Variants in RALYL observed in about 807,000 individuals in gnomAD.
The protein encoded by RALYL is RNA-binding Raly-like protein.
RALYL carries 29 observed loss-of-function variants against 35.1 expected under a neutral mutation model. The ratio of observed to expected loss-of-function variants is 0.83; its 90% CI spans 0.61 to 1.13. The LOEUF is 1.13. RALYL is among the 50% of genes most tolerant of loss of function. The pLI, the probability that RALYL is intolerant of heterozygous loss-of-function variation, is 0.00. For missense variants in RALYL, 359 were observed against 360.4 expected, an observed-to-expected ratio of 1.00 and a Z score of 0.03; for synonymous variants, 120 against 127.6, an observed-to-expected ratio of 0.94 and a Z score of 0.40.
At chr8:84,338,689 C>G (rs914481471) in intron 1 of RALYL, among the ~76,000 whole-genome samples, 2 of 151,946 alleles carry the variant, frequency 1.3e-5, no homozygotes, top group Admixed American at 1.3e-4. Context: ...CTTTTTTATA[C>G]CTTGGTATTG....
chr8:84,233,268 C>T (rs35616576), intron 1 of RALYL, among the ~76,000 whole-genome samples: 11,921 of 152,118 alleles, frequency 0.078, 530 homozygotes, highest in Middle Eastern at 0.099. Context: ...TACAGAGTCG[C>T]ATTCATCCTA....
chr8:84,781,888 G>A (rs1818257039), intron 3 of RALYL, among the ~76,000 whole-genome samples: 1 of 152,150 alleles, frequency 6.6e-6, no homozygotes, highest in South Asian at 2.1e-4. Flanking sequence ...ACTTGAATAT[G>A]TGTGAGAAGA....
intron 1 of RALYL, among the ~76,000 whole-genome samples, chr8:84,269,911 GTTTATC>G (rs980921494): frequency 6.6e-6 from 1 of 152,040 alleles, no homozygotes; most frequent in African/African-American, 2.4e-5. Flanking sequence ...TAGTAGAAAT[GTTTATC>G]TTTAACATTT....
intron 2 of RALYL, among the ~76,000 whole-genome samples, chr8:84,630,065 G>T (rs1214918285): frequency 6.6e-6 from 1 of 151,984 alleles, no homozygotes; most frequent in Admixed American, 6.6e-5. Context: ...TAAGCAAAGG[G>T]AAGTTTAGGA....
At chr8:84,806,254 A>T (rs1295616058) in intron 4 of RALYL, among the ~76,000 whole-genome samples, 1 of 152,190 alleles carries the variant, frequency 6.6e-6, no homozygotes, top group Non-Finnish European at 1.5e-5. Context: ...CTGGCCCAAA[A>T]AAAGTGATAA....
chr8:84,307,003 A>G (rs1331478989), intron 1 of RALYL, among the ~76,000 whole-genome samples: 1 of 151,876 alleles, frequency 6.6e-6, no homozygotes, highest in African/African-American at 2.4e-5. Context: ...GGGAATGACA[A>G]GTTCTACCAC....
intron 2 of RALYL, among the ~76,000 whole-genome samples, chr8:84,547,534 C>A (rs2135376098): frequency 6.6e-6 from 1 of 152,046 alleles, no homozygotes; most frequent in Middle Eastern, 3.4e-3. Flanking sequence ...TACCTGCTAC[C>A]ACGCCCGTCT....
At chr8:84,761,658 A>T (rs1315496882) in intron 2 of RALYL, among the ~76,000 whole-genome samples, 1 of 152,144 alleles carries the variant, frequency 6.6e-6, no homozygotes, top group Non-Finnish European at 1.5e-5. Context: ...AGAAGCTCAG[A>T]TAATACACTC....
chr8:84,236,835 A>G (rs967547904), intron 1 of RALYL, among the ~76,000 whole-genome samples: 1 of 152,214 alleles, frequency 6.6e-6, no homozygotes, highest in Non-Finnish European at 1.5e-5. Flanking sequence ...CTTCAAACAC[A>G]GGTAGAATAT....
rs375549054 is a variant in RALYL, at chr8:84,674,580, C to T, written c.257-99999C>T. 1.8e-4 allele frequency among the ~76,000 whole-genome samples: 28 copies of T among 152,184 alleles called. No homozygotes were observed. The South Asian group carries it at 5.6e-3, about 30-fold the overall frequency. ...TATCTCTGGCTCTTCCTACTCCTTC[C>T]AAAGGCCAAGATGTACACTCTGGAT... On this transcript the variant is annotated intron_variant, in intron 2 of 8. Transcript: ENST00000521268.
At chr8:84,375,575 G>A (rs989917690) in intron 1 of RALYL, among the ~76,000 whole-genome samples, 1 of 151,708 alleles carries the variant, frequency 6.6e-6, no homozygotes, top group Non-Finnish European at 1.5e-5. Context: ...GGAACCTATA[G>A]GAAGAATTAT....
intron 3 of RALYL, among the ~76,000 whole-genome samples, chr8:84,777,153 A>G (rs1817022823): frequency 6.6e-6 from 1 of 152,224 alleles, no homozygotes; most frequent in Non-Finnish European, 1.5e-5. Context: ...GAGAAACCTG[A>G]GTTTCCAAGA....
At chr8:84,276,907 T>C (rs1835495621) in intron 1 of RALYL, among the ~76,000 whole-genome samples, 1 of 152,222 alleles carries the variant, frequency 6.6e-6, no homozygotes, top group Non-Finnish European at 1.5e-5. Context: ...GAAAACATAT[T>C]GTCATCATTC....
At chr8:84,355,554 C>A (rs1296054480) in intron 1 of RALYL, among the ~76,000 whole-genome samples, 2 of 150,334 alleles carry the variant, frequency 1.3e-5, no homozygotes, top group African/African-American at 2.5e-5. Context: ...AGGAATTTAT[C>A]TTTTTCTAAG....
intron 2 of RALYL, among the ~76,000 whole-genome samples, chr8:84,714,387 A>G (rs1170589221): frequency 6.6e-6 from 1 of 151,874 alleles, no homozygotes; most frequent in African/African-American, 2.4e-5. Flanking sequence ...GAACATTGCT[A>G]AGGGAGTAGA....
chr8:84,792,783 T>A (rs1322977449), intron 3 of RALYL, among the ~76,000 whole-genome samples: 2 of 152,008 alleles, frequency 1.3e-5, no homozygotes, highest in East Asian at 3.9e-4. Flanking sequence ...GCAGTTAGAG[T>A]TTGTATATGA....
chr8:84,338,449 G>T (rs574594857), intron 1 of RALYL, among the ~76,000 whole-genome samples: 1 of 150,200 alleles, frequency 6.7e-6, no homozygotes, highest in African/African-American at 2.5e-5. Flanking sequence ...GATAAAATTA[G>T]CTGTGGTACT....
chr8:84,625,501 T>C (rs766496976), intron 2 of RALYL, among the ~76,000 whole-genome samples: 3 of 152,192 alleles, frequency 2.0e-5, no homozygotes, highest in Non-Finnish European at 2.9e-5. Flanking sequence ...AAGAAGCTCA[T>C]GAATAGTACT....
intron 1 of RALYL, among the ~76,000 whole-genome samples, chr8:84,458,696 A>C (rs1322076829): frequency 6.6e-6 from 1 of 151,852 alleles, no homozygotes; most frequent in Admixed American, 6.6e-5. Flanking sequence ...TGGTCTTCAT[A>C]ATGCCACTAA....
Sources: allele counts gnomAD v4.1 joint callset (sites outside exome capture counted in the v4.1 genomes callset), GRCh38; gene constraint gnomAD v4.1.1; transcripts MANE v1.5; gene names NCBI Gene and HGNC (gene_info 2026-07-23, HGNC 2026-07-21).